The following TANGO6 variants were observed in gnomAD, a reference collection of about 807,000 sequenced individuals.
TANGO6 encodes transport and golgi organization 6 homolog, also known as transport and Golgi organization protein 6 homolog.
In TANGO6, 90 loss-of-function variants were observed where a neutral mutation model predicts 114.2. That is an observed-to-expected ratio of 0.79 (90% CI 0.66 to 0.94). The LOEUF is 0.94. TANGO6 is among the 40% of genes least tolerant of loss of function. TANGO6 has a pLI of 0.00. For synonymous variants in TANGO6, 477 were observed against 509.8 expected, an observed-to-expected ratio of 0.94 and a Z score of 0.87; for missense variants, 1,274 against 1,315.3, an observed-to-expected ratio of 0.97 and a Z score of 0.49.
At chr16:68,855,453 G>A (rs1961972672) in intron 1 of TANGO6, among the ~76,000 whole-genome samples, 1 of 151,218 alleles carries the variant, frequency 6.6e-6, no homozygotes, top group Non-Finnish European at 1.5e-5. Flanking sequence ...GTGGTGGCAT[G>A]CGCCTGTAGT....
intron 9 of TANGO6, among the ~76,000 whole-genome samples, chr16:68,903,898 G>C (rs1261637190): frequency 6.6e-6 from 1 of 151,820 alleles, no homozygotes; most frequent in Admixed American, 6.6e-5. Context: ...CTTCAGCCTA[G>C]GTGACAGAGT....
chr16:68,880,264 A>C (rs1319800017), intron 6 of TANGO6, among the ~76,000 whole-genome samples: 2 of 152,000 alleles, frequency 1.3e-5, no homozygotes, highest in Non-Finnish European at 2.9e-5. Flanking sequence ...GAGCCACCAC[A>C]CCTGGCCTAA....
intron 13 of TANGO6, 60 bp from the exon 14 acceptor site, chr16:68,930,178 G>C: frequency 7.0e-7 from 1 of 1,419,462 alleles, no homozygotes; most frequent in Admixed American, 2.0e-5. Flanking sequence ...TGATAAGGGA[G>C]CCTCTTAAAT....
chr16:69,071,041 T>C (rs1960292135), intron 17 of TANGO6, among the ~76,000 whole-genome samples: 1 of 152,076 alleles, frequency 6.6e-6, no homozygotes, highest in Non-Finnish European at 1.5e-5. Flanking sequence ...TCCCAAAGTG[T>C]GATTACAGGT....
intron 15 of TANGO6, among the ~76,000 whole-genome samples, chr16:68,982,544 G>T (rs191981319): frequency 7.8e-4 from 119 of 151,602 alleles, no homozygotes; most frequent in Non-Finnish European, 1.6e-3. Flanking sequence ...TGGCCAGGCT[G>T]GTCTCGAACT....
intron 7 of TANGO6, among the ~76,000 whole-genome samples, chr16:68,895,973 G>A (rs1483299230): frequency 6.6e-6 from 1 of 150,646 alleles, no homozygotes; most frequent in Non-Finnish European, 1.5e-5. Flanking sequence ...TTTTGAGACA[G>A]TGTCTCACTC....
chr16:68,900,265 A>T, intron 7 of TANGO6, 169 bp from the exon 8 acceptor site: 1 of 600,626 alleles, frequency 1.7e-6, no homozygotes, highest in South Asian at 2.2e-5. Context: ...TGTCTGCCAA[A>T]CTCAAATTGT....
chr16:69,047,412 T>C (rs1423497711), intron 17 of TANGO6, among the ~76,000 whole-genome samples: 2 of 151,862 alleles, frequency 1.3e-5, no homozygotes, highest in Non-Finnish European at 2.9e-5. Context: ...GGAGAATCAC[T>C]TGAACCTGGG....
intron 14 of TANGO6, among the ~76,000 whole-genome samples, chr16:68,969,981 C>T (rs775713027): frequency 1.3e-5 from 2 of 152,068 alleles, no homozygotes; most frequent in Non-Finnish European, 2.9e-5. Flanking sequence ...TTAGTCTCTT[C>T]AATGGGTGGT....
chr16:69,078,671 T>G (rs560588271), intron 17 of TANGO6, among the ~76,000 whole-genome samples: 1 of 152,316 alleles, frequency 6.6e-6, no homozygotes, highest in African/African-American at 2.4e-5. Context: ...ATGTTTCCAT[T>G]GTTAAATGGC....
chr16:68,871,010 T>C (rs925042772), intron 4 of TANGO6, among the ~76,000 whole-genome samples: 7 of 151,460 alleles, frequency 4.6e-5, no homozygotes, highest in Non-Finnish European at 8.8e-5. Context: ...AGGCTGGTCT[T>C]GAACTCCTGA....
At chr16:68,991,684 G>A (rs1311914229) in intron 15 of TANGO6, among the ~76,000 whole-genome samples, 1 of 151,996 alleles carries the variant, frequency 6.6e-6, no homozygotes, top group Non-Finnish European at 1.5e-5. Flanking sequence ...TGGGCATAGT[G>A]GCATGCATCT....
chr16:69,069,149 TG>T, intron 17 of TANGO6, among the ~76,000 whole-genome samples: 1 of 152,290 alleles, frequency 6.6e-6, no homozygotes, highest in East Asian at 1.9e-4. Context: ...AGCTAATAAT[TG>T]GGAGCTCTAG....
At chr16:68,865,743 A>C (rs1244854659) in intron 3 of TANGO6, among the ~76,000 whole-genome samples, 1 of 144,854 alleles carries the variant, frequency 6.9e-6, no homozygotes, top group Admixed American at 6.8e-5. Context: ...CCCCATCTCT[A>C]CTAAAAATAC....
At chr16:68,866,885 C>G (rs111988406) in intron 3 of TANGO6, among the ~76,000 whole-genome samples, 194 bp from the exon 4 acceptor site, 14,678 of 151,556 alleles carry the variant, frequency 0.097, 801 homozygotes, top group Non-Finnish European at 0.13. Context: ...TGCAGTGAGC[C>G]GAGATTTTGC....
At chr16:68,980,396 T>A (rs1353479285) in intron 15 of TANGO6, among the ~76,000 whole-genome samples, 4 of 63,586 alleles carry the variant, frequency 6.3e-5, no homozygotes. Context: ...TCTCTCTCTC[T>A]CTCTCTCTCT....
intron 16 of TANGO6, among the ~76,000 whole-genome samples, chr16:69,038,682 T>A (rs574721271): frequency 2.8e-4 from 42 of 152,278 alleles, no homozygotes; most frequent in African/African-American, 9.9e-4. Context: ...ATGACATAAT[T>A]AACTATATAT....
intron 15 of TANGO6, among the ~76,000 whole-genome samples, chr16:69,001,665 T>A (rs1964044618): frequency 6.6e-6 from 1 of 152,132 alleles, no homozygotes; most frequent in Non-Finnish European, 1.5e-5. Flanking sequence ...AAGGATCCCA[T>A]TTTTACACTA....
intron 14 of TANGO6, among the ~76,000 whole-genome samples, chr16:68,958,138 T>C (rs952128865): frequency 1.3e-5 from 2 of 148,966 alleles, no homozygotes; most frequent in African/African-American, 5.0e-5. Flanking sequence ...GCCATTGCAC[T>C]CCAGCCTGGG....
Sources: gnomAD v4.1 joint callset for allele counts (sites outside exome capture counted in the v4.1 genomes callset) on GRCh38, gnomAD v4.1.1 for gene constraint, MANE v1.5 for transcripts, NCBI Gene and HGNC (gene_info 2026-07-23, HGNC 2026-07-21) for gene names.